TANC1: variants seen among roughly 807,000 people sequenced by gnomAD.
TANC1 encodes protein TANC1.
A neutral mutation model predicts 149.7 loss-of-function variants in TANC1; 77 were observed. The ratio of observed to expected loss-of-function variants is 0.51; its 90% CI spans 0.43 to 0.62. The LOEUF is 0.62. Among genes scored for constraint, TANC1 ranks in the 20% least tolerant of loss-of-function variants. TANC1 has a pLI of 0.00. For synonymous variants in TANC1, 854 were observed against 925.0 expected (o/e 0.92, Z 1.39); for missense variants, 1,985 against 2,321.8 (o/e 0.85, Z 2.98).
At chr2:159,074,245 G>A (rs544431017) in intron 3 of TANC1, among the ~76,000 whole-genome samples, 44 of 152,308 alleles carry the variant, frequency 2.9e-4, no homozygotes, top group African/African-American at 1.0e-3. Context: ...TGAGCAGCTG[G>A]TTTTAATTCT....
At chr2:159,007,630 C>T (rs933647123) in intron 2 of TANC1, among the ~76,000 whole-genome samples, 2 of 152,176 alleles carry the variant, frequency 1.3e-5, no homozygotes, top group Admixed American at 1.3e-4. Context: ...TGTAAGTACA[C>T]TCTGTGATGT....
rs2060329959 is a variant in TANC1, at chr2:159,231,489, A to G, written c.*477A>G. On this transcript the variant is annotated 3_prime_UTR_variant, in exon 27 of 27. Coordinates refer to ENST00000263635, the MANE Select transcript of TANC1 (RefSeq NM_033394.3). ...AATCCCATTTTATATATACATAAAA[A>G]TTAAGTTCTGAGTGAGTTCTAGCTA... The G allele has an allele frequency of 6.4e-6, 1 of 156,148 alleles. No individual in the cohort carries two copies. Among genetic ancestry groups the G allele is most frequent in the Non-Finnish European group, 1.4e-5 (1 of 70,402 alleles). 9.7% of individuals were successfully genotyped at this position (156,148 alleles called of 1,614,324 possible). A position where few individuals can be genotyped will look rare whatever the true frequency, so the allele number is the denominator to read the frequency against.
At chr2:159,109,492 TAAG>T (rs1299951045) in intron 4 of TANC1, among the ~76,000 whole-genome samples, 1 of 152,188 alleles carries the variant, frequency 6.6e-6, no homozygotes, top group Non-Finnish European at 1.5e-5. Context: ...TGCCCTTATA[TAAG>T]AAGAGGAAGG....
At chr2:159,172,614 G>A (rs568410810) in intron 11 of TANC1, among the ~76,000 whole-genome samples, 3 of 152,290 alleles carry the variant, frequency 2.0e-5, no homozygotes, top group East Asian at 3.9e-4. Flanking sequence ...CTTTTGACTT[G>A]ACCCAGACCT....
chr2:158,987,838 C>A (rs1048867708), intron 1 of TANC1, among the ~76,000 whole-genome samples: 1 of 152,294 alleles, frequency 6.6e-6, no homozygotes, highest in East Asian at 1.9e-4. Flanking sequence ...GAGCTAGTAC[C>A]ACTCTGAATC....
chr2:159,185,555 G>A (rs1264636785), intron 14 of TANC1, among the ~76,000 whole-genome samples: 1 of 152,190 alleles, frequency 6.6e-6, no homozygotes, highest in Non-Finnish European at 1.5e-5. Context: ...CCCAGGGATG[G>A]TTCTGTGCTC....
intron 14 of TANC1, 92 bp from the exon 15 acceptor site, chr2:159,185,699 G>T: frequency 3.7e-6 from 3 of 809,328 alleles, no homozygotes; most frequent in Non-Finnish European, 6.1e-6. Context: ...GCATAAATCA[G>T]TGACTAAGGC....
chr2:158,975,890 G>A (rs1422086727), intron 1 of TANC1, among the ~76,000 whole-genome samples: 3 of 149,728 alleles, frequency 2.0e-5, no homozygotes, highest in Non-Finnish European at 4.4e-5. Context: ...CTGGACTGCA[G>A]TGGCATGATC....
chr2:159,127,464 A>G (rs760354998), intron 4 of TANC1, among the ~76,000 whole-genome samples: 2 of 152,268 alleles, frequency 1.3e-5, no homozygotes, highest in East Asian at 3.8e-4. Flanking sequence ...TACGAGGTAT[A>G]TACCCAAAAG....
At chr2:159,044,532 C>T (rs1189503536) in intron 2 of TANC1, among the ~76,000 whole-genome samples, 6 of 151,988 alleles carry the variant, frequency 3.9e-5, no homozygotes, top group African/African-American at 1.5e-4. Context: ...TCTCCAATGC[C>T]TAGCATCTAG....
Position 159,149,191 on chromosome 2 carries a change from G to A in TANC1, c.414G>A (p.Leu138=). The part of the protein sequence containing the change: ...EPSCSPAAQE[L]LTRLGFLLGE... ...GCTGTTCGCCGGCAGCTCAAGAACT[G>A]TTGACAAGGCTGGGATTTTTACTGG... The change falls in exon 6 of 27, where the codon CTG becomes CTA. Residue 138 remains leucine, a synonymous_variant. Transcript: ENST00000263635. 3.1e-6 allele frequency: 5 copies of A among 1,613,786 alleles called. No homozygotes were observed. Among genetic ancestry groups the A allele is most frequent in the South Asian group, 1.1e-5 (1 of 91,024 alleles).
At chr2:159,123,822 A>C (rs1169177048) in intron 4 of TANC1, among the ~76,000 whole-genome samples, 4 of 152,200 alleles carry the variant, frequency 2.6e-5, no homozygotes, top group African/African-American at 9.6e-5. Flanking sequence ...TTCGTTTAGG[A>C]AATGGAAAGA....
chr2:159,169,291 G>A lies in TANC1; in HGVS notation c.988G>A (p.Gly330Arg), dbSNP rs375585776. The part of the protein sequence containing the change: ...TKLEDLSYLD[G>R]QRNAPLRTSI... ...ATTGGAAGATCTGAGTTATTTAGAC[G>A]GGCAGAGAAATGCTCCTCTACGGAC... Residue 330 changes from glycine to arginine, a missense_variant, in exon 9 of 27, where the codon GGG becomes AGG. Gly to Arg is a moderately radical substitution (Grantham distance 125). Around this residue, in one of 3 missense-constraint regions of TANC1, gnomAD observed 557 missense variants for 612.9 expected, o/e 0.91. Coordinates refer to ENST00000263635, the MANE Select transcript of TANC1 (RefSeq NM_033394.3). The A allele has an allele frequency of 1.1e-5, 18 of 1,612,878 alleles. No homozygotes were observed. Among genetic ancestry groups the A allele is most frequent in the African/African-American group, 2.7e-5 (2 of 74,844 alleles).
chr2:159,112,398 G>A (rs2047818873), intron 4 of TANC1, among the ~76,000 whole-genome samples: 1 of 151,802 alleles, frequency 6.6e-6, no homozygotes, highest in African/African-American at 2.4e-5. Context: ...TGGGACTATG[G>A]GCAGATTCCA....
At chr2:159,027,002 C>G (rs575688511) in intron 2 of TANC1, 5 of 152,162 alleles carry the variant, frequency 3.3e-5, no homozygotes, top group African/African-American at 1.2e-4. Context: ...TTGGTTTCCT[C>G]TCCTGAACAC....
At chr2:159,098,111 A>G (rs2046321078) in intron 4 of TANC1, among the ~76,000 whole-genome samples, 1 of 152,082 alleles carries the variant, frequency 6.6e-6, no homozygotes, top group Non-Finnish European at 1.5e-5. Context: ...TTTCTTGCTG[A>G]TGAATTAAGG....
chr2:159,084,857 A>G (rs1413958689), intron 3 of TANC1, among the ~76,000 whole-genome samples: 1 of 152,118 alleles, frequency 6.6e-6, no homozygotes, highest in East Asian at 1.9e-4. Context: ...CCAGTGTGGT[A>G]CTGTGGTTAA....
intron 4 of TANC1, among the ~76,000 whole-genome samples, chr2:159,123,550 G>C (rs2049079835): frequency 6.6e-6 from 1 of 151,640 alleles, no homozygotes; most frequent in Non-Finnish European, 1.5e-5. Context: ...CCTTACTTCT[G>C]AATCTCCTGC....
intron 4 of TANC1, among the ~76,000 whole-genome samples, chr2:159,100,029 G>T (rs1020646379): frequency 6.6e-6 from 1 of 152,108 alleles, no homozygotes; most frequent in Non-Finnish European, 1.5e-5. Context: ...GGACAAACAA[G>T]ATGTCTTATA....
Sources: gnomAD v4.1 joint callset for allele counts (sites outside exome capture counted in the v4.1 genomes callset) on GRCh38, gnomAD v4.1.1 for gene constraint, gnomAD v4.1.1 regional missense constraint, MANE v1.5 for transcripts, NCBI Gene and HGNC (gene_info 2026-07-23, HGNC 2026-07-21) for gene names.